The following GPR39 variants were observed in gnomAD, a reference collection of about 807,000 sequenced individuals.
The protein encoded by GPR39 is G protein-coupled receptor 39.
A neutral mutation model predicts 18.4 loss-of-function variants in GPR39; 23 were observed. The observed-to-expected ratio is 1.25, with a 90% CI of 0.90 to 1.77. The LOEUF is 1.77. GPR39 is among the 40% of genes most tolerant of loss of function. The pLI is 0.00. For synonymous variants in GPR39, 280 were observed against 257.9 expected (o/e 1.09, Z -0.82); for missense variants, 647 against 602.4 (o/e 1.07, Z -0.78).
intron 1 of GPR39, among the ~76,000 whole-genome samples, chr2:132,422,507 C>T (rs916656075): frequency 6.6e-6 from 1 of 150,488 alleles, no homozygotes; most frequent in African/African-American, 2.5e-5. Flanking sequence ...AGGTTAAATG[C>T]TTATCTTACA....
intron 1 of GPR39, among the ~76,000 whole-genome samples, chr2:132,594,426 T>C (rs1421059953): frequency 6.6e-6 from 1 of 152,092 alleles, no homozygotes; most frequent in East Asian, 1.9e-4. Flanking sequence ...TGCAGGGATG[T>C]TAAAGGATCC....
At chr2:132,565,871 G>A (rs1290061219) in intron 1 of GPR39, among the ~76,000 whole-genome samples, 1 of 151,330 alleles carries the variant, frequency 6.6e-6, no homozygotes, top group Non-Finnish European at 1.5e-5. Flanking sequence ...ACATGTGCAT[G>A]TGTCTTCATA....
At chr2:132,463,256 C>T (rs2104778253) in intron 1 of GPR39, among the ~76,000 whole-genome samples, 1 of 152,208 alleles carries the variant, frequency 6.6e-6, no homozygotes, top group South Asian at 2.1e-4. Context: ...AAAAGGAAGC[C>T]ATCAGAGAGA....
intron 1 of GPR39, among the ~76,000 whole-genome samples, chr2:132,543,925 C>A (rs1352120063): frequency 6.6e-6 from 1 of 152,150 alleles, no homozygotes; most frequent in Non-Finnish European, 1.5e-5. Context: ...TTCAGGAAAG[C>A]AGAAATTGCA....
At chr2:132,606,967 G>T (rs1484874516) in intron 1 of GPR39, among the ~76,000 whole-genome samples, 1 of 152,198 alleles carries the variant, frequency 6.6e-6, no homozygotes, top group East Asian at 1.9e-4. Context: ...GCAGTGGTTT[G>T]CCACCTTCAG....
intron 1 of GPR39, among the ~76,000 whole-genome samples, chr2:132,576,605 A>G (rs1680530990): frequency 6.6e-6 from 1 of 152,182 alleles, no homozygotes; most frequent in East Asian, 1.9e-4. Flanking sequence ...GTGAGCCAAG[A>G]TTGCACCACT....
At chr2:132,523,961 G>GTATCAGCAT (rs1679467348) in intron 1 of GPR39, 2 of 152,698 alleles carry the variant, frequency 1.3e-5, no homozygotes, top group Non-Finnish European at 2.9e-5. Context: ...CAGACAGGCA[G>GTATCAGCAT]TATCAGCATC....
chr2:132,646,303 C>CTGAG lies in GPR39; in HGVS notation c.*699_*702dup. On this transcript the variant is annotated 3_prime_UTR_variant, in exon 2 of 2. Transcript: ENST00000329321. ...TCCCTGTAACACAGACCCAAAGGAG[C>CTGAG]TGAGTTAACGTGCACCGGCAAAAGA... 2.1e-6 allele frequency: 3 copies of CTGAG among 1,424,308 alleles called. No individual in the cohort carries two copies. Among genetic ancestry groups the CTGAG allele is most frequent in the Non-Finnish European group, 2.8e-6 (3 of 1,077,790 alleles). 88.2% of individuals were successfully genotyped at this position (1,424,308 alleles called of 1,614,324 possible). A position where few individuals can be genotyped will look rare whatever the true frequency, so the allele number is the denominator to read the frequency against.
intron 1 of GPR39, among the ~76,000 whole-genome samples, chr2:132,508,859 C>T (rs1398751327): frequency 6.6e-6 from 1 of 152,140 alleles, no homozygotes; most frequent in Admixed American, 6.5e-5. Context: ...CCTTATGTTC[C>T]CAGTTGTCCA....
At chr2:132,449,308 C>T (rs1243284437) in intron 1 of GPR39, among the ~76,000 whole-genome samples, 2 of 152,010 alleles carry the variant, frequency 1.3e-5, no homozygotes, top group Non-Finnish European at 2.9e-5. Flanking sequence ...AGTACAATGG[C>T]GCGATCTTGG....
intron 1 of GPR39, among the ~76,000 whole-genome samples, chr2:132,524,224 G>A (rs556964391): frequency 4.6e-5 from 7 of 152,328 alleles, no homozygotes; most frequent in African/African-American, 1.7e-4. Context: ...AACGAAGAGG[G>A]TCTTGAGTTT....
intron 1 of GPR39, among the ~76,000 whole-genome samples, chr2:132,554,696 C>T (rs536880814): frequency 6.4e-4 from 98 of 152,298 alleles, no homozygotes; most frequent in Non-Finnish European, 1.3e-3. Flanking sequence ...GATTAAAATG[C>T]TGGCAGGGCT....
At chr2:132,448,577 G>C (rs1019803069) in intron 1 of GPR39, among the ~76,000 whole-genome samples, 4 of 152,142 alleles carry the variant, frequency 2.6e-5, no homozygotes, top group Admixed American at 2.6e-4. Context: ...GCCGAGTGCT[G>C]CCTGCAATGA....
Position 132,645,302 on chromosome 2 carries a change from G to A in GPR39, c.1058G>A (p.Arg353Gln), listed in dbSNP as rs776695600. 3.1e-6 allele frequency: 5 copies of A among 1,614,048 alleles called. No individual in the cohort carries two copies. The highest frequency in any genetic ancestry group is 4.2e-6 in the Non-Finnish European group (5 of 1,180,034). The change falls in exon 2 of 2, where the codon CGG becomes CAG. Residue 353 changes from arginine to glutamine, a missense_variant. This residue lies in a region of GPR39 where 581 missense variants were observed against 506.8 expected (regional missense o/e 1.15). Transcript: ENST00000329321. ...LYTVSSQQFR[R>Q]VFVQVLCCRL... The stretch of plus-strand genomic sequence containing the variant: ...ACGGTGTCCTCGCAGCAGTTTCGGC[G>A]GGTGTTCGTGCAGGTGCTGTGCTGC...
chr2:132,442,934 A>C (rs1006219126), intron 1 of GPR39, among the ~76,000 whole-genome samples: 1 of 152,354 alleles, frequency 6.6e-6, no homozygotes, highest in East Asian at 1.9e-4. Flanking sequence ...ATGGACTGCT[A>C]TAATTAGGAA....
intron 1 of GPR39, among the ~76,000 whole-genome samples, chr2:132,562,352 C>T (rs937825369): frequency 6.6e-6 from 1 of 152,192 alleles, no homozygotes; most frequent in African/African-American, 2.4e-5. Flanking sequence ...AATTCTTTGG[C>T]ATGTTATACA....
At chr2:132,563,103 G>A (rs11898487) in intron 1 of GPR39, among the ~76,000 whole-genome samples, 11,219 of 152,136 alleles carry the variant, frequency 0.074, 1,397 homozygotes, top group African/African-American at 0.25. Context: ...CTGATTCCAG[G>A]GATAAGGATA....
intron 1 of GPR39, among the ~76,000 whole-genome samples, chr2:132,602,396 A>G (rs531932831): frequency 4.9e-4 from 75 of 152,282 alleles, no homozygotes; most frequent in African/African-American, 1.7e-3. Flanking sequence ...TCAAAATTGG[A>G]TAAAGATTTA....
chr2:132,433,689 A>T (rs1336857256), intron 1 of GPR39: 1 of 150,586 alleles, frequency 6.6e-6, no homozygotes. Context: ...TAAAAAAAAA[A>T]ATTCATGAAG....
Sources: allele counts gnomAD v4.1 joint callset (sites outside exome capture counted in the v4.1 genomes callset), GRCh38; gene constraint gnomAD v4.1.1; regional missense constraint gnomAD v4.1.1; transcripts MANE v1.5; gene names NCBI Gene and HGNC (gene_info 2026-07-23, HGNC 2026-07-21).